Variants in POLI observed in about 807,000 individuals in gnomAD.
The protein encoded by POLI is DNA polymerase iota, also known as RAD30 homolog B.
POLI carries 58 observed loss-of-function variants against 51.6 expected under a neutral mutation model. That is an observed-to-expected ratio of 1.12 (90% CI 0.91 to 1.40). The LOEUF (loss-of-function observed/expected upper bound fraction) is 1.40. Among genes scored for constraint, POLI ranks in the 40% most tolerant of loss-of-function variants. The pLI, the probability that POLI is intolerant of heterozygous loss-of-function variation, is 0.00. For synonymous variants in POLI, 322 were observed against 299.7 expected (o/e 1.07, Z -0.77); for missense variants, 921 against 871.3 (o/e 1.06, Z -0.72).
chr18:54,294,089 G>T lies in POLI; in HGVS notation c.1845G>T (p.Met615Ile). 6.2e-7 allele frequency: 1 copy of T among 1,609,902 alleles called. No homozygotes were observed. The highest frequency in any genetic ancestry group is 8.5e-7 in the Non-Finnish European group (1 of 1,176,340). ...TTAATAGCAGTAGTTCTTCTTACATGTCTAGCCAAAAGGATTATTCATATT... is the reference window on the plus strand; with the variant it reads ...TTAATAGCAGTAGTTCTTCTTACATTTCTAGCCAAAAGGATTATTCATATT... Reference protein sequence around the residue: ...SGFNSSSSSYMSSQKDYSYYL... With the variant: ...SGFNSSSSSYISSQKDYSYYL... The change falls in exon 10 of 10, where the codon ATG becomes ATT. Residue 615 changes from methionine (M) to isoleucine (I), a missense_variant. Met to Ile is a conservative substitution (Grantham distance 10). Transcript: ENST00000579534.
intron 7 of POLI, among the ~76,000 whole-genome samples, chr18:54,286,522 G>C (rs1351535522): frequency 1.3e-5 from 2 of 151,462 alleles, no homozygotes; most frequent in Admixed American, 6.6e-5. Context: ...ATGTCATTTT[G>C]TAAAAAAAAA....
intron 3 of POLI, among the ~76,000 whole-genome samples, chr18:54,318,287 T>G (rs2088758779): frequency 6.6e-6 from 1 of 152,186 alleles, no homozygotes; most frequent in Non-Finnish European, 1.5e-5. Context: ...ACTCAGCTCT[T>G]TGTCCAAAGT....
In POLI at chr18:54,294,984, CAATT is replaced by C. The variant is rs1158084853; in HGVS notation, c.*521_*524del. On this transcript the variant is annotated 3_prime_UTR_variant, in exon 10 of 10. Transcript: ENST00000579534. ...TTAAAATACCAAAGCAATTTATATT[CAATT>C]AATGCTTCTTCATACACCAAGAATC... 54 of 984,442 alleles carry C rather than the reference CAATT, an allele frequency of 5.5e-5. No individual in the cohort carries two copies. The highest frequency in any genetic ancestry group is 6.4e-5 in the Non-Finnish European group (53 of 829,230). 61.0% of individuals were successfully genotyped at this position (984,442 alleles called of 1,614,324 possible).
chr18:54,297,651 C>T lies in POLI; in HGVS notation c.*3184C>T. 2.0e-6 allele frequency: 2 copies of T among 979,042 alleles called. No homozygotes were observed. The highest frequency in any genetic ancestry group is 9.4e-5 in the South Asian group (2 of 21,210). The allele number at this position is 979,042 out of a possible 1,614,324, so 60.6% of individuals were successfully genotyped here. A position where few individuals can be genotyped will look rare whatever the true frequency, so the allele number is the denominator to read the frequency against. Reference sequence around the variant, plus strand: ...GGATCAGTTGGGTTTTCTATTTAATCATATATTTTCCCTTTACTGATTTGG... The same window carrying T: ...GGATCAGTTGGGTTTTCTATTTAATTATATATTTTCCCTTTACTGATTTGG... On this transcript the variant is annotated 3_prime_UTR_variant, in exon 10 of 10. Transcript: ENST00000579534.
In POLI at chr18:54,293,775, A is replaced by G. The variant is rs551675301; in HGVS notation, c.1531A>G (p.Lys511Glu). The G allele has an allele frequency of 5.6e-6, 9 of 1,605,280 alleles. No individual in the cohort carries two copies. The Admixed American group carries it at 1.4e-4, about 24-fold the overall frequency. Reference protein sequence around the residue: ...ESPLDTTNFSKEKDINEFPLC... With the variant: ...ESPLDTTNFSEEKDINEFPLC... The stretch of plus-strand genomic sequence containing the variant: ...TCCACTAGATACCACAAATTTTTCT[A>G]AAGAAAAAGACATTAATGAATTCCC... The change falls in exon 10 of 10, where the codon AAA becomes GAA. Residue 511 changes from lysine to glutamate, a missense_variant. Transcript: ENST00000579534.
chr18:54,306,868 G>A (rs1415326552), intron 3 of POLI, among the ~76,000 whole-genome samples: 2 of 152,150 alleles, frequency 1.3e-5, no homozygotes, highest in African/African-American at 4.8e-5. Flanking sequence ...GTGTAGAGGT[G>A]TTTATAGTAT....
rs1568145845 is a variant in POLI at position 54,294,283 on chromosome 18, CAGT to C, written c.2042_2044del (p.Val681del). On this transcript the variant is annotated inframe_deletion, in exon 10 of 10. Transcript: ENST00000579534. ...CACACTACAGATAGCCATAAGCAAA[CAGT>C]AGCAACAGACTCTCATGAAGGACTT... is the stretch of plus-strand genomic sequence containing the variant. 4.3e-6 allele frequency: 7 copies of C among 1,613,594 alleles called. No individual in the cohort carries two copies. Among genetic ancestry groups the C allele is most frequent in the Non-Finnish European group, 5.9e-6 (7 of 1,179,654 alleles).
At position 54,287,357 on chromosome 18, in the gene POLI, C is replaced by A; in HGVS notation, c.1144C>A (p.Arg382Ser). 7 of 1,601,310 alleles carry A rather than the reference C, an allele frequency of 4.4e-6. No homozygotes were observed. The highest frequency in any genetic ancestry group is 1.1e-5 in the South Asian group (1 of 89,266). ...GTATTCCTCTGAGAAGCACTATGGT[C>A]GTGAGAGTCGTCAGTGCCCTATTCC... ...RRYSSEKHYG[R>S]ESRQCPIPSH... The change falls in exon 8 of 10, where the codon CGT (arginine) becomes AGT (serine). Residue 382 changes from arginine (R) to serine (S), a missense_variant. Coordinates refer to ENST00000579534, the MANE Select transcript of POLI (RefSeq NM_007195.3).
At chr18:54,290,381 G>A (rs1350385851) in intron 8 of POLI, among the ~76,000 whole-genome samples, 1 of 152,148 alleles carries the variant, frequency 6.6e-6, no homozygotes, top group African/African-American at 2.4e-5. Context: ...ACTGTTGGTG[G>A]GAGTGTAAAT....
At chr18:54,293,170 A>G (rs1415104775) in intron 9 of POLI, among the ~76,000 whole-genome samples, 1 of 151,860 alleles carries the variant, frequency 6.6e-6, no homozygotes, top group Non-Finnish European at 1.5e-5. Context: ...ATAAATATAA[A>G]CTAGTACTAT....
chr18:54,277,862 G>T lies in POLI; in HGVS notation c.559+7G>T. Reference sequence around the variant, plus strand: ...CATGTATACAATAATCAGTGTGAGTGGGTTCTTATTCATTCTACCTACTAA... The same window carrying T: ...CATGTATACAATAATCAGTGTGAGTTGGTTCTTATTCATTCTACCTACTAA... On this transcript the variant is annotated splice_region_variant and intron_variant, in intron 4 of 9. Transcript: ENST00000579534. 6.3e-7 allele frequency: 1 copy of T among 1,597,732 alleles called. No individual in the cohort carries two copies. The highest frequency in any genetic ancestry group is 1.1e-5 in the South Asian group (1 of 89,272).
chr18:54,287,459 A>G, intron 8 of POLI, 48 bp downstream of exon 8: 3 of 1,468,550 alleles, frequency 2.0e-6, no homozygotes, highest in Non-Finnish European at 2.8e-6. Flanking sequence ...GAACTCTTAA[A>G]TAAGCCAACT....
At position 54,292,025 on chromosome 18, in the gene POLI, G is replaced by A. The variant is rs1258766659; in HGVS notation, c.1391G>A (p.Gly464Asp). ...TCATTATCAACTACTTCACGCTCTG[G>A]CAAGCACAGTTTTGTAAGTACACTC... ...MPSLSTTSRS[G>D]KHSFKMKDTH... The change falls in exon 9 of 10, where the codon GGC (glycine) becomes GAC (aspartate). Residue 464 changes from glycine to aspartate, a missense_variant. Physicochemically the swap from Gly to Asp is moderately conservative, Grantham distance 94. Transcript: ENST00000579534. 1.9e-6 allele frequency: 3 copies of A among 1,599,958 alleles called. No homozygotes were observed. The South Asian group carries it at 3.3e-5, about 18-fold the overall frequency.
rs745883945 is a variant in POLI, at chr18:54,288,228, C to T, written c.1198+817C>T. Among the ~76,000 whole-genome samples, 7 of 152,042 alleles carry T rather than the reference C, an allele frequency of 4.6e-5. 1 individual carries two copies. The highest frequency in any genetic ancestry group is 2.1e-4 in the South Asian group (1 of 4,828). On this transcript the variant is annotated intron_variant, in intron 8 of 9. Coordinates refer to ENST00000579534, the MANE Select transcript of POLI (RefSeq NM_007195.3). ...GTCTCTTTGATTATAGTTGTTCTAG[C>T]GGTATATAGTAGTGTGGTTTTTCTT...
intron 1 of POLI, 94 bp from the exon 2 acceptor site, chr18:54,271,266 C>A (rs1290567031): frequency 1.8e-6 from 2 of 1,085,562 alleles, no homozygotes; most frequent in Non-Finnish European, 2.6e-6. Flanking sequence ...ACTCTGCATT[C>A]TTCCTTCACA....
intron 3 of POLI, among the ~76,000 whole-genome samples, chr18:54,310,078 C>T (rs909616731): frequency 2.0e-5 from 3 of 152,288 alleles, no homozygotes; most frequent in Middle Eastern, 3.4e-3. Context: ...TTCGGCTTGG[C>T]ATCCGTGGGC....
At chr18:54,285,287 A>G (rs771913327) in intron 7 of POLI, among the ~76,000 whole-genome samples, 1 of 152,212 alleles carries the variant, frequency 6.6e-6, no homozygotes, top group Non-Finnish European at 1.5e-5. Flanking sequence ...CTTTGGAGAC[A>G]GTTCTTCACA....
rs150497531 is a variant in POLI at position 54,294,274 on chromosome 18, A to G, written c.2030A>G (p.His677Arg). ...TCCAGAAACCACACTACAGATAGCC[A>G]TAAGCAAACAGTAGCAACAGACTCT... ...LFSRNHTTDS[H>R]KQTVATDSHE... The change falls in exon 10 of 10, where the codon CAT becomes CGT. Residue 677 changes from histidine (H) to arginine (R), a missense_variant. Physicochemically the swap from His to Arg is conservative, Grantham distance 29 (BLOSUM62 0). Coordinates refer to ENST00000579534, the MANE Select transcript of POLI (RefSeq NM_007195.3). The G allele has an allele frequency of 5.6e-6, 9 of 1,613,604 alleles. No homozygotes were observed. The African/African-American group carries it at 6.7e-5, about 12-fold the overall frequency.
chr18:54,310,459 C>G (rs1420391464), intron 3 of POLI, among the ~76,000 whole-genome samples: 2 of 149,176 alleles, frequency 1.3e-5, no homozygotes, highest in African/African-American at 5.0e-5. Context: ...TCTCTCTTAT[C>G]CTGTTACCTC....
Sources: gnomAD v4.1 joint callset for allele counts (sites outside exome capture counted in the v4.1 genomes callset) on GRCh38, gnomAD v4.1.1 for gene constraint, MANE v1.5 for transcripts, NCBI Gene and HGNC (gene_info 2026-07-23, HGNC 2026-07-21) for gene names.